Variants in AFF3 observed in about 807,000 individuals in gnomAD.
AFF3 encodes the protein ALF transcription elongation factor 3, also known as AF4/FMR2 family member 3.
A neutral mutation model predicts 129.7 loss-of-function variants in AFF3; 32 were observed. The ratio of observed to expected loss-of-function variants is 0.25; its 90% CI spans 0.19 to 0.33. The LOEUF is 0.33. Ranked by LOEUF, AFF3 falls within the 10% of genes least tolerant of loss-of-function variation. The probability of loss-of-function intolerance (pLI) is 1.00; values close to 1 mark genes in which losing one functional copy is unlikely to be tolerated. For missense variants in AFF3, 1,373 were observed against 1,592.0 expected, an observed-to-expected ratio of 0.86 and a Z score of 2.34; for synonymous variants, 644 against 635.4, an observed-to-expected ratio of 1.01 and a Z score of -0.20.
At chr2:99,727,203 T>C in intron 10 of AFF3, 75 bp from the exon 11 acceptor site, 3 of 1,351,300 alleles carry the variant, frequency 2.2e-6, no homozygotes, top group Non-Finnish European at 2.1e-6. Flanking sequence ...ATTAAATATA[T>C]TTCCATGCTC....
intron 22 of AFF3, among the ~76,000 whole-genome samples, chr2:99,557,822 C>T (rs559708224): frequency 6.6e-5 from 10 of 152,144 alleles, no homozygotes; most frequent in Middle Eastern, 3.2e-3. Flanking sequence ...CATTAGAGAT[C>T]ACCTCTAGAG....
chr2:99,667,755 G>A (rs1243919830), intron 12 of AFF3, among the ~76,000 whole-genome samples: 3 of 152,016 alleles, frequency 2.0e-5, no homozygotes, highest in African/African-American at 7.2e-5. Context: ...TAAGTGACAC[G>A]GATAGACTTA....
chr2:100,088,884 G>A (rs1374926301), intron 4 of AFF3, among the ~76,000 whole-genome samples: 1 of 152,154 alleles, frequency 6.6e-6, no homozygotes, highest in Non-Finnish European at 1.5e-5. Context: ...CAATATTGGT[G>A]GGGACTGTTT....
At chr2:99,763,574 A>G (rs1409011241) in intron 8 of AFF3, among the ~76,000 whole-genome samples, 2 of 152,162 alleles carry the variant, frequency 1.3e-5, no homozygotes, top group African/African-American at 4.8e-5. Context: ...AACAATAATT[A>G]GCATTTTGAT....
At chr2:99,727,993 A>T (rs1679501009) in intron 10 of AFF3, among the ~76,000 whole-genome samples, 1 of 152,208 alleles carries the variant, frequency 6.6e-6, no homozygotes, top group African/African-American at 2.4e-5. Flanking sequence ...GATGTAAACC[A>T]GAAATCCTTT....
intron 10 of AFF3, 100 bp from the exon 11 acceptor site, chr2:99,727,228 T>G: frequency 8.5e-7 from 1 of 1,181,582 alleles, no homozygotes; most frequent in South Asian, 1.4e-5. Context: ...TAACAATCTT[T>G]CAAAATGTGT....
At chr2:100,017,178 T>C (rs536371395) in intron 4 of AFF3, among the ~76,000 whole-genome samples, 1 of 152,162 alleles carries the variant, frequency 6.6e-6, no homozygotes, top group East Asian at 1.9e-4. Flanking sequence ...CTAAAGAACA[T>C]GACTATGCCC....
At chr2:99,738,597 T>C (rs1276165054) in intron 10 of AFF3, among the ~76,000 whole-genome samples, 1 of 152,166 alleles carries the variant, frequency 6.6e-6, no homozygotes, top group Non-Finnish European at 1.5e-5. Flanking sequence ...TTGGCGTCAC[T>C]GGTTATATAT....
chr2:100,020,995 A>G (rs1683543982), intron 4 of AFF3, among the ~76,000 whole-genome samples: 1 of 152,032 alleles, frequency 6.6e-6, no homozygotes, highest in African/African-American at 2.4e-5. Flanking sequence ...TCAGCTCCCA[A>G]TCTTCCCAGT....
chr2:100,141,586 C>T (rs529005609), intron 1 of AFF3, among the ~76,000 whole-genome samples: 22 of 152,252 alleles, frequency 1.4e-4, no homozygotes, highest in African/African-American at 4.1e-4. Context: ...AAACACTTGA[C>T]CTTTAGCTAC....
intron 8 of AFF3, among the ~76,000 whole-genome samples, chr2:99,808,605 G>C (rs1686539368): frequency 1.3e-5 from 2 of 151,824 alleles, no homozygotes; most frequent in Admixed American, 1.3e-4. Context: ...ACTCAGGAAA[G>C]ACTGCAGAAT....
chr2:99,925,407 C>T (rs1696157643), intron 7 of AFF3, among the ~76,000 whole-genome samples: 1 of 152,124 alleles, frequency 6.6e-6, no homozygotes, highest in Non-Finnish European at 1.5e-5. Flanking sequence ...GAATGATTCT[C>T]ATCATCACAG....
At chr2:99,851,737 T>C (rs915581280) in intron 7 of AFF3, among the ~76,000 whole-genome samples, 3 of 152,338 alleles carry the variant, frequency 2.0e-5, no homozygotes, top group East Asian at 3.9e-4. Context: ...TCTAGACACA[T>C]AATTGTAGCA....
intron 8 of AFF3, among the ~76,000 whole-genome samples, chr2:99,787,014 T>C (rs1440078081): frequency 6.6e-6 from 1 of 152,170 alleles, no homozygotes; most frequent in Non-Finnish European, 1.5e-5. Context: ...CAGCCAGTGT[T>C]CAGTGAGAGA....
intron 7 of AFF3, among the ~76,000 whole-genome samples, chr2:99,853,979 T>C (rs1359214159): frequency 1.3e-5 from 2 of 152,228 alleles, no homozygotes; most frequent in Non-Finnish European, 2.9e-5. Flanking sequence ...CAGTAGGAAC[T>C]CAATACATGA....
chr2:99,696,648 T>C (rs931138758), intron 11 of AFF3, among the ~76,000 whole-genome samples: 1 of 152,094 alleles, frequency 6.6e-6, no homozygotes, highest in Non-Finnish European at 1.5e-5. Flanking sequence ...TATGTAATAA[T>C]GAAATTCTTT....
At chr2:100,130,773 G>GGACAGCCCCACAGA (rs971976899) in intron 1 of AFF3, among the ~76,000 whole-genome samples, 2 of 152,090 alleles carry the variant, frequency 1.3e-5, no homozygotes, top group Non-Finnish European at 2.9e-5. Flanking sequence ...GCTACCTCCA[G>GGACAGCCCCACAGA]GACAGCCCCA....
chr2:99,844,192 C>T (rs7583877), intron 7 of AFF3, among the ~76,000 whole-genome samples: 93,900 of 152,052 alleles, frequency 0.62, 29,995 homozygotes, highest in South Asian at 0.75. Context: ...AATCAATGTA[C>T]GAAGAGGAGC....
At chr2:100,032,210 G>A (rs189561792) in intron 4 of AFF3, among the ~76,000 whole-genome samples, 1 of 152,110 alleles carries the variant, frequency 6.6e-6, no homozygotes, top group South Asian at 2.1e-4. Flanking sequence ...GGTGGATTAC[G>A]AGGTCAGGAG....
Sources: allele counts gnomAD v4.1 joint callset (sites outside exome capture counted in the v4.1 genomes callset), GRCh38; gene constraint gnomAD v4.1.1; transcripts MANE v1.5; gene names NCBI Gene and HGNC (gene_info 2026-07-23, HGNC 2026-07-21).